The following ATRNL1 variants were observed in gnomAD, a reference collection of about 807,000 sequenced individuals.
The protein encoded by ATRNL1 is attractin like 1, also known as attractin-like protein 1.
Under a neutral mutation model 182.7 loss-of-function variants are expected in ATRNL1, and 95 were observed. The observed-to-expected ratio is 0.52, with a 90% CI of 0.44 to 0.62. The LOEUF is 0.62. Among genes scored for constraint, ATRNL1 ranks in the 20% least tolerant of loss-of-function variants. ATRNL1 has a pLI of 0.00. For synonymous variants in ATRNL1, 576 were observed against 568.3 expected (o/e 1.01, Z -0.19); for missense variants, 1,471 against 1,679.5 (o/e 0.88, Z 2.17).
At chr10:115,185,423 A>C (rs1847903623) in intron 8 of ATRNL1, among the ~76,000 whole-genome samples, 1 of 152,090 alleles carries the variant, frequency 6.6e-6, no homozygotes, top group South Asian at 2.1e-4. Flanking sequence ...GAACACAGGA[A>C]TCACCTTCTA....
intron 27 of ATRNL1, among the ~76,000 whole-genome samples, chr10:115,780,175 G>A (rs543695161): frequency 2.0e-5 from 3 of 152,158 alleles, no homozygotes; most frequent in Non-Finnish European, 4.4e-5. Context: ...AGTGATTGTG[G>A]GACATTGCAT....
intron 8 of ATRNL1, among the ~76,000 whole-genome samples, chr10:115,185,883 AGACATTAC>A (rs1847920628): frequency 6.6e-6 from 1 of 152,080 alleles, no homozygotes; most frequent in African/African-American, 2.4e-5. Flanking sequence ...CTACAGAAAG[AGACATTAC>A]GTGTGGTAGA....
intron 26 of ATRNL1, among the ~76,000 whole-genome samples, chr10:115,646,563 A>T (rs1859626638): frequency 6.6e-6 from 1 of 152,076 alleles, no homozygotes; most frequent in African/African-American, 2.4e-5. Flanking sequence ...AACAGGAAAT[A>T]GTAATCATGT....
chr10:115,531,803 G>A (rs28822168), intron 25 of ATRNL1, among the ~76,000 whole-genome samples: 12,267 of 128,848 alleles, frequency 0.095, 979 homozygotes, highest in Non-Finnish European at 0.15. Flanking sequence ...ATTAATTTTT[G>A]TATAAGGTGT....
At chr10:115,505,499 GCAAA>G (rs1231438508) in intron 24 of ATRNL1, among the ~76,000 whole-genome samples, 11 of 151,902 alleles carry the variant, frequency 7.2e-5, no homozygotes, top group African/African-American at 9.7e-5. Context: ...TCCATAAAAA[GCAAA>G]CAAACAAACA....
chr10:115,340,467 T>G (rs1855693599), intron 19 of ATRNL1, among the ~76,000 whole-genome samples: 1 of 136,646 alleles, frequency 7.3e-6, no homozygotes, highest in African/African-American at 2.8e-5. Context: ...TTTTCTTTTC[T>G]TTTCTTTTCT....
intron 26 of ATRNL1, among the ~76,000 whole-genome samples, chr10:115,585,873 A>T (rs1855477607): frequency 2.1e-5 from 1 of 47,204 alleles, no homozygotes; most frequent in Non-Finnish European, 4.7e-5. Context: ...TTTTGGCATG[A>T]TTTTGCAGCG....
chr10:115,233,525 G>A (rs782318369), intron 9 of ATRNL1, among the ~76,000 whole-genome samples: 11 of 151,780 alleles, frequency 7.2e-5, no homozygotes, highest in Admixed American at 2.0e-4. Context: ...TATTTTTCTC[G>A]TCTTACAATT....
chr10:115,801,132 G>C (rs1186301752), intron 27 of ATRNL1, among the ~76,000 whole-genome samples: 1 of 152,146 alleles, frequency 6.6e-6, no homozygotes, highest in African/African-American at 2.4e-5. Context: ...TCTTTGGTGA[G>C]GATAACCCTT....
intron 1 of ATRNL1, among the ~76,000 whole-genome samples, chr10:115,101,959 G>A (rs141765358): frequency 2.2e-4 from 33 of 152,190 alleles, no homozygotes; most frequent in African/African-American, 6.3e-4. Context: ...TTTTTTGGGC[G>A]TGTGAAAATA....
chr10:115,936,795 A>C (rs567356937), intron 28 of ATRNL1, among the ~76,000 whole-genome samples: 1 of 152,274 alleles, frequency 6.6e-6, no homozygotes, highest in East Asian at 1.9e-4. Context: ...ATTGTCAAGT[A>C]TCAGAATTGT....
chr10:115,095,793 A>G (rs782282333), intron 1 of ATRNL1, among the ~76,000 whole-genome samples: 3 of 152,172 alleles, frequency 2.0e-5, no homozygotes, highest in Admixed American at 6.5e-5. Flanking sequence ...GTAAACTGGT[A>G]GTCAGCAGTG....
Position 115,878,810 on chromosome 10 carries a change from C to T in ATRNL1, c.4018+30819C>T, listed in dbSNP as rs369433314. 6.8e-4 allele frequency among the ~76,000 whole-genome samples: 104 copies of T among 152,246 alleles called. 1 individual carries two copies. The East Asian group carries it at 0.013, about 20-fold the overall frequency. On this transcript the variant is annotated intron_variant, in intron 28 of 28. Transcript: ENST00000355044. ...AAATGAGGCATACAAGTAGCTCCTT[C>T]GCCCAGCAGCAACATGGTCTGTACT...
chr10:115,846,925 T>G (rs1950942171), intron 27 of ATRNL1, among the ~76,000 whole-genome samples: 1 of 152,132 alleles, frequency 6.6e-6, no homozygotes. Context: ...GTTACAGAGT[T>G]GTTGTGGGTT....
At chr10:115,882,492 T>C (rs1951848435) in intron 28 of ATRNL1, among the ~76,000 whole-genome samples, 1 of 152,224 alleles carries the variant, frequency 6.6e-6, no homozygotes, top group African/African-American at 2.4e-5. Flanking sequence ...ATGTGCTATT[T>C]CGTACTTCAT....
At chr10:115,500,029 G>C (rs1447299157) in intron 24 of ATRNL1, among the ~76,000 whole-genome samples, 2 of 151,972 alleles carry the variant, frequency 1.3e-5, no homozygotes, top group South Asian at 4.1e-4. Flanking sequence ...CTCATTTTTT[G>C]CAGGTGTTGA....
intron 28 of ATRNL1, among the ~76,000 whole-genome samples, chr10:115,900,498 A>C (rs1242367160): frequency 6.6e-6 from 1 of 152,232 alleles, no homozygotes; most frequent in African/African-American, 2.4e-5. Context: ...TGCAAAAGGC[A>C]AAAAATAATA....
chr10:115,538,902 T>C (rs948425662), intron 25 of ATRNL1, among the ~76,000 whole-genome samples: 137 of 152,230 alleles, frequency 9.0e-4, no homozygotes, highest in Non-Finnish European at 3.4e-4. Context: ...TACTGTACCT[T>C]TTCTATGTTT....
intron 26 of ATRNL1, among the ~76,000 whole-genome samples, chr10:115,602,394 C>T (rs1212557512): frequency 6.6e-6 from 1 of 151,818 alleles, no homozygotes; most frequent in Admixed American, 6.6e-5. Flanking sequence ...TTTCTTTACT[C>T]ACAATACTTC....
Sources: allele counts gnomAD v4.1 joint callset (sites outside exome capture counted in the v4.1 genomes callset), GRCh38; gene constraint gnomAD v4.1.1; transcripts MANE v1.5; gene names NCBI Gene and HGNC (gene_info 2026-07-23, HGNC 2026-07-21).